Variants in STAB2 observed in about 807,000 individuals in gnomAD.
STAB2 encodes stabilin 2.
A neutral mutation model predicts 338.1 loss-of-function variants in STAB2; 288 were observed. The observed-to-expected ratio is 0.85, with a 90% CI of 0.77 to 0.94. The LOEUF is 0.94. Among genes scored for constraint, STAB2 ranks in the 40% least tolerant of loss-of-function variants. The probability of loss-of-function intolerance (pLI) is 0.00; values close to 1 mark genes in which losing one functional copy is unlikely to be tolerated. For synonymous variants in STAB2, 1,202 were observed against 1,193.3 expected, an observed-to-expected ratio of 1.01 and a Z score of -0.15; for missense variants, 3,141 against 3,210.1, an observed-to-expected ratio of 0.98 and a Z score of 0.52.
chr12:103,702,126 A>G (rs1269542359), intron 34 of STAB2, among the ~76,000 whole-genome samples: 1 of 92,256 alleles, frequency 1.1e-5, no homozygotes, highest in Non-Finnish European at 2.1e-5. Flanking sequence ...TACTCATTAA[A>G]GTGTTCTTCC....
At chr12:103,655,812 T>A (rs547125227) in intron 15 of STAB2, among the ~76,000 whole-genome samples, 13 of 152,260 alleles carry the variant, frequency 8.5e-5, no homozygotes, top group African/African-American at 2.6e-4. Flanking sequence ...CAATTAGACT[T>A]GATACAGGAA....
chr12:103,708,559 T>G, intron 39 of STAB2, 23 bp downstream of exon 39: 1 of 1,608,698 alleles, frequency 6.2e-7, no homozygotes, highest in East Asian at 2.2e-5. Flanking sequence ...CCTCCAGTAT[T>G]TATAATCTGC....
chr12:103,727,430 G>A, intron 47 of STAB2, 80 bp downstream of exon 47: 1 of 1,495,284 alleles, frequency 6.7e-7, no homozygotes, highest in Non-Finnish European at 9.3e-7. Flanking sequence ...AACCAAGACT[G>A]GAGATGTTTC....
At chr12:103,635,210 G>A (rs962648321) in intron 6 of STAB2, among the ~76,000 whole-genome samples, 1 of 152,142 alleles carries the variant, frequency 6.6e-6, no homozygotes, top group African/African-American at 2.4e-5. Context: ...AGGAGCAAAG[G>A]GCAGGCATGC....
intron 50 of STAB2, 115 bp downstream of exon 50, chr12:103,731,750 G>T: frequency 1.0e-6 from 1 of 993,254 alleles, no homozygotes; most frequent in Non-Finnish European, 1.5e-6. Flanking sequence ...TGTGGGATCT[G>T]CATGGGGAAG....
rs1881763368 is a variant in STAB2, at chr12:103,733,049, C to T, written c.5327C>T (p.Pro1776Leu). 1 of 1,614,112 alleles carries T rather than the reference C, an allele frequency of 6.2e-7. No homozygotes were observed. The highest frequency in any genetic ancestry group is 8.5e-7 in the Non-Finnish European group (1 of 1,180,002). The change falls in exon 51 of 69, where the codon CCA (proline) becomes CTA (leucine). Residue 1776 changes from proline (P) to leucine (L), a missense_variant. By Grantham distance (98) the Pro-to-Leu change is moderately conservative. Transcript: ENST00000388887. ...GTCATCACCGATCCCATCCACACCC[C>T]AGTCACTCTCTTCTGGCCCACCGAC... ...LSVITDPIHT[P>L]VTLFWPTDQA...
chr12:103,721,304 G>C (rs554901775), intron 44 of STAB2, among the ~76,000 whole-genome samples: 2 of 152,196 alleles, frequency 1.3e-5, no homozygotes, highest in Admixed American at 6.5e-5. Flanking sequence ...TGAAAATCTT[G>C]GGGAAAATGT....
intron 42 of STAB2, among the ~76,000 whole-genome samples, chr12:103,714,456 T>C (rs545496110): frequency 2.6e-5 from 4 of 152,294 alleles, no homozygotes; most frequent in East Asian, 3.9e-4. Context: ...TCCCAGCACT[T>C]TGGGAGACCA....
intron 3 of STAB2, among the ~76,000 whole-genome samples, chr12:103,604,480 C>A (rs55640603): frequency 0.22 from 32,620 of 151,708 alleles, 4,462 homozygotes; most frequent in African/African-American, 0.38. Context: ...CCAACAAAGC[C>A]ATTTGGCATG....
intron 3 of STAB2, among the ~76,000 whole-genome samples, chr12:103,608,143 A>G (rs1387616053): frequency 6.6e-6 from 1 of 151,998 alleles, no homozygotes; most frequent in Non-Finnish European, 1.5e-5. Flanking sequence ...GCCAGTGATG[A>G]TGAGCAGTGA....
intron 44 of STAB2, 51 bp from the exon 45 acceptor site, chr12:103,724,924 G>A (rs759508933): frequency 6.3e-7 from 1 of 1,588,024 alleles, no homozygotes; most frequent in South Asian, 1.1e-5. Context: ...GGTAGAGCTG[G>A]CAAACTAACT....
At position 103,714,807 on chromosome 12, in the gene STAB2, G is replaced by A. The variant is rs746196141; in HGVS notation, c.4538-1008G>A. ...ATTCCCTTTGTTCCTAAATACTTGA[G>A]TGTATATTTCCTAAGAATAAGGATA... On this transcript the variant is annotated intron_variant, in intron 42 of 68. Coordinates refer to ENST00000388887, the MANE Select transcript of STAB2 (RefSeq NM_017564.10). Among the ~76,000 whole-genome samples, 15 of 152,192 alleles carry A rather than the reference G, an allele frequency of 9.9e-5. No homozygotes were observed. The East Asian group carries it at 2.1e-3, about 22-fold the overall frequency.
At chr12:103,762,197 C>A in intron 66 of STAB2, 77 bp from the exon 67 acceptor site, 4 of 1,582,358 alleles carry the variant, frequency 2.5e-6, no homozygotes, top group South Asian at 1.1e-5. Flanking sequence ...CTCCAGAATG[C>A]CTCGGGCCAC....
intron 2 of STAB2, among the ~76,000 whole-genome samples, chr12:103,593,017 G>A (rs866726152): frequency 6.6e-6 from 1 of 152,126 alleles, no homozygotes; most frequent in Non-Finnish European, 1.5e-5. Flanking sequence ...TGAGGGCTGA[G>A]TAATATTTCA....
In STAB2 at chr12:103,759,240, G is replaced by A; in HGVS notation, c.7215G>A (p.Leu2405=). The A allele has an allele frequency of 6.2e-7, 1 of 1,614,174 alleles. No homozygotes were observed. The highest frequency in any genetic ancestry group is 1.1e-5 in the South Asian group (1 of 91,084). ...TGCAAACGAGGCTGGGAAGCAAGCTGCTCATCACTGCCAGCCAGGACCCAC... is the reference window on the plus strand; with the variant it reads ...TGCAAACGAGGCTGGGAAGCAAGCTACTCATCACTGCCAGCCAGGACCCAC... The part of the protein sequence containing the change: ...TTLQTRLGSK[L]LITASQDPLQ... The change falls in exon 65 of 69, where the codon CTG becomes CTA. Residue 2405 remains leucine (L), a synonymous_variant. Transcript: ENST00000388887.
chr12:103,652,542 C>A lies in STAB2; in HGVS notation c.1258-14C>A. 6.5e-7 allele frequency: 1 copy of A among 1,533,068 alleles called. No homozygotes were observed. The highest frequency in any genetic ancestry group is 8.8e-7 in the Non-Finnish European group (1 of 1,141,316). The allele number at this position is 1,533,068 out of a possible 1,614,324, so 95.0% of individuals were successfully genotyped here. On this transcript the variant is annotated splice_polypyrimidine_tract_variant and intron_variant, in intron 11 of 68. Coordinates refer to ENST00000388887, the MANE Select transcript of STAB2 (RefSeq NM_017564.10). ...CTTCTTCAAATAATAGTAAAATTGG[C>A]TCTTCTCTCTTAGGTAAATGAGCTT...
At chr12:103,667,473 C>T (rs932650763) in intron 19 of STAB2, among the ~76,000 whole-genome samples, 9 of 152,196 alleles carry the variant, frequency 5.9e-5, no homozygotes, top group East Asian at 1.9e-4. Context: ...GCTGATGTGG[C>T]AGAACCATGA....
At chr12:103,732,599 A>G (rs2139083064) in intron 50 of STAB2, among the ~76,000 whole-genome samples, 1 of 152,284 alleles carries the variant, frequency 6.6e-6, no homozygotes, top group East Asian at 1.9e-4. Flanking sequence ...TGAGCCCAGG[A>G]GTTTGAGACC....
chr12:103,631,748 T>A, intron 6 of STAB2, 55 bp downstream of exon 6: 1 of 1,552,550 alleles, frequency 6.4e-7, no homozygotes, highest in Non-Finnish European at 8.9e-7. Context: ...CACAAATGTA[T>A]GCATTTCAAT....
Sources: gnomAD v4.1 joint callset for allele counts (sites outside exome capture counted in the v4.1 genomes callset) on GRCh38, gnomAD v4.1.1 for gene constraint, MANE v1.5 for transcripts, NCBI Gene and HGNC (gene_info 2026-07-23, HGNC 2026-07-21) for gene names.